USP32: variants seen among roughly 807,000 people sequenced by gnomAD.
USP32 encodes ubiquitin specific peptidase 32, also known as ubiquitin carboxyl-terminal hydrolase 32.
In USP32, 59 loss-of-function variants were observed where a neutral mutation model predicts 204.8. The ratio of observed to expected loss-of-function variants is 0.29; its 90% CI spans 0.23 to 0.36. The LOEUF (loss-of-function observed/expected upper bound fraction) is 0.36. Among genes scored for constraint, USP32 ranks in the 10% least tolerant of loss-of-function variants. The pLI is 1.00. For missense variants in USP32, 1,160 were observed against 1,946.4 expected, an observed-to-expected ratio of 0.60 and a Z score of 7.60; for synonymous variants, 517 against 678.4, an observed-to-expected ratio of 0.76 and a Z score of 3.70.
At chr17:60,198,468 G>C (rs552051135) in intron 26 of USP32, 24 bp from the exon 27 acceptor site, 16 of 1,610,898 alleles carry the variant, frequency 9.9e-6, no homozygotes, top group African/African-American at 8.0e-5. Context: ...CAAGAGAATA[G>C]AGAGTTCAGA....
intron 1 of USP32, among the ~76,000 whole-genome samples, chr17:60,398,962 CAG>C (rs1316235312): frequency 2.0e-5 from 3 of 152,012 alleles, no homozygotes; most frequent in Non-Finnish European, 4.4e-5. Flanking sequence ...GCCTGGGTGA[CAG>C]AGTGAGACTG....
intron 9 of USP32, among the ~76,000 whole-genome samples, chr17:60,264,292 G>GGGA (rs2086529399): frequency 6.6e-6 from 1 of 151,428 alleles, no homozygotes; most frequent in African/African-American, 2.4e-5. Flanking sequence ...GGCTGAGGCA[G>GGGA]GACTGCTTGA....
intron 2 of USP32, chr17:60,305,030 G>A (rs1041578927): frequency 6.6e-6 from 1 of 152,146 alleles, no homozygotes. Flanking sequence ...AAGCAGCAGA[G>A]TCAGAATTTT....
At chr17:60,294,383 A>AGTGTGTGTGTGTGT (rs60195146) in intron 4 of USP32, among the ~76,000 whole-genome samples, 11,107 of 146,404 alleles carry the variant, frequency 0.076, 1,376 homozygotes, top group African/African-American at 0.26. Context: ...TTCCTGCAGG[A>AGTGTGTGTGTGTGT]GTGTGTGTGT....
chr17:60,264,166 T>C (rs1403362776), intron 9 of USP32, among the ~76,000 whole-genome samples: 1 of 152,128 alleles, frequency 6.6e-6, no homozygotes, highest in Non-Finnish European at 1.5e-5. Context: ...TTTTTGCTAT[T>C]ACATGCTTAT....
At chr17:60,268,424 T>C (rs1265566383) in intron 7 of USP32, among the ~76,000 whole-genome samples, 1 of 144,260 alleles carries the variant, frequency 6.9e-6, no homozygotes, top group African/African-American at 2.7e-5. Flanking sequence ...AAAAAAAAAA[T>C]TAGCCAGGCA....
At chr17:60,393,589 G>C (rs1349234943), upstream of USP32, among the ~76,000 whole-genome samples, 1 of 152,106 alleles carries the variant, frequency 6.6e-6, no homozygotes, top group South Asian at 2.1e-4. Context: ...CCAAGGTGCC[G>C]GTTAGGTAAT....
chr17:60,273,411 C>T (rs2086768810), intron 5 of USP32, among the ~76,000 whole-genome samples: 1 of 152,138 alleles, frequency 6.6e-6, no homozygotes, highest in African/African-American at 2.4e-5. Flanking sequence ...AGGGTCTCTA[C>T]TTAATAAACA....
chr17:60,398,289 A>G lies in USP32; in HGVS notation c.106+23957T>C, dbSNP rs191258562. The stretch of plus-strand genomic sequence containing the variant: ...TGTACCTCTGTAGTCTCAGCTACTC[A>G]GGAACCTGAGGTGGGAGGATCACTT... On this transcript the variant is annotated intron_variant, in intron 1 of 3. Coordinates refer to the USP32 transcript ENST00000588898. 1.8e-3 allele frequency among the ~76,000 whole-genome samples: 275 copies of G among 152,312 alleles called. 4 individuals carry two copies. Among genetic ancestry groups the G allele is most frequent in the African/African-American group, 6.3e-3 (260 of 41,582 alleles).
In USP32 at chr17:60,336,441, C is replaced by T. The variant is rs867278199; in HGVS notation, c.186+9040G>A. On this transcript the variant is annotated intron_variant, in intron 2 of 33. Transcript: ENST00000300896. ...TACAAAAAGAAATGAATTGGCCGGG[C>T]GCGGTGGCTCACGCCTGTAATCCCA... Among the ~76,000 whole-genome samples, 27 of 142,874 alleles carry T rather than the reference C, an allele frequency of 1.9e-4. 7 individuals carry two copies. The highest frequency in any genetic ancestry group is 7.2e-4 in the African/African-American group (24 of 33,398). The allele number at this position is 142,874 out of a possible 152,430, so 93.7% of individuals were successfully genotyped here. A position where few individuals can be genotyped will look rare whatever the true frequency, so the allele number is the denominator to read the frequency against.
At chr17:60,285,162 T>G (rs1454709899) in intron 5 of USP32, among the ~76,000 whole-genome samples, 1 of 152,114 alleles carries the variant, frequency 6.6e-6, no homozygotes, top group East Asian at 1.9e-4. Context: ...TACCATACAA[T>G]CACAAGTAAA....
At chr17:60,350,207 G>A (rs2088916957) in intron 1 of USP32, among the ~76,000 whole-genome samples, 1 of 152,006 alleles carries the variant, frequency 6.6e-6, no homozygotes, top group Non-Finnish European at 1.5e-5. Flanking sequence ...TAGCGATGGG[G>A]TTTTGCCATG....
chr17:60,344,278 G>A (rs1332343163), intron 2 of USP32, among the ~76,000 whole-genome samples: 2 of 150,370 alleles, frequency 1.3e-5, no homozygotes, highest in Non-Finnish European at 3.0e-5. Flanking sequence ...ACAGGCACCC[G>A]CCACTAAGCC....
Position 60,237,554 on chromosome 17 carries a change from A to G in USP32, c.1137-1314T>C, listed in dbSNP as rs1326325475. On this transcript the variant is annotated intron_variant, in intron 11 of 33. Transcript: ENST00000300896. ...TTTCAAAACATTCTGATACACCTCA[A>G]TTAAAAAGTCATCCATTAAATAGTT... is the stretch of plus-strand genomic sequence containing the variant. 3.9e-5 allele frequency among the ~76,000 whole-genome samples: 6 copies of G among 152,304 alleles called. No individual in the cohort carries two copies. The East Asian group carries it at 9.6e-4, about 24-fold the overall frequency.
Position 60,271,307 on chromosome 17 carries a change from ATG to A in USP32, c.703+41_703+42del, listed in dbSNP as rs376724230. The A allele has an allele frequency of 1.2e-4, 187 of 1,605,106 alleles. No individual in the cohort carries two copies. The East Asian group carries it at 3.5e-3, about 30-fold the overall frequency. On this transcript the variant is annotated intron_variant, in intron 6 of 33. Coordinates refer to ENST00000300896, the MANE Select transcript of USP32 (RefSeq NM_032582.4). ...TTACAAATATGAGATGGGCTCAGGT[ATG>A]TTTACCAGTGAACATATGTAGAAAA...
chr17:60,236,261 A>G (rs765584467), intron 11 of USP32, 21 bp from the exon 12 acceptor site: 22 of 1,593,840 alleles, frequency 1.4e-5, no homozygotes, highest in Non-Finnish European at 1.8e-5. Flanking sequence ...AAAAGAAATT[A>G]AATACATCAA....
intron 2 of USP32, among the ~76,000 whole-genome samples, chr17:60,319,001 C>T (rs1195731684): frequency 6.6e-6 from 1 of 152,130 alleles, no homozygotes; most frequent in East Asian, 1.9e-4. Context: ...CAAAAGGACA[C>T]ATATTATATG....
At chr17:60,419,230 G>C (rs1025893361) in intron 1 of USP32, among the ~76,000 whole-genome samples, 1 of 152,186 alleles carries the variant, frequency 6.6e-6, no homozygotes, top group Non-Finnish European at 1.5e-5. Flanking sequence ...TGATGGAGCT[G>C]AAGGCCATTA....
In USP32 at chr17:60,232,584, T is replaced by C. The variant is rs184935555; in HGVS notation, c.1239+3554A>G. Among the ~76,000 whole-genome samples, 469 of 151,220 alleles carry C rather than the reference T, an allele frequency of 3.1e-3. 2 individuals carry two copies. Among genetic ancestry groups the C allele is most frequent in the African/African-American group, 0.011 (452 of 41,048 alleles). ...TTTTTTTAAATACAGTCTCATTCTG[T>C]TGCCCAGGCTGGAGTGCAGTGGCAT... On this transcript the variant is annotated intron_variant, in intron 12 of 33. Coordinates refer to ENST00000300896, the MANE Select transcript of USP32 (RefSeq NM_032582.4).
Sources: allele counts gnomAD v4.1 joint callset (sites outside exome capture counted in the v4.1 genomes callset), GRCh38; gene constraint gnomAD v4.1.1; transcripts MANE v1.5; gene names NCBI Gene and HGNC (gene_info 2026-07-23, HGNC 2026-07-21).